MGAT4C: variants seen among roughly 807,000 people sequenced by gnomAD.
MGAT4C encodes MGAT4 family member C.
A neutral mutation model predicts 40.1 loss-of-function variants in MGAT4C; 19 were observed. The observed-to-expected ratio is 0.47, with a 90% CI of 0.33 to 0.70. The LOEUF (loss-of-function observed/expected upper bound fraction) is 0.70, where lower values mean the gene tolerates loss of function less well. MGAT4C is among the 30% of genes least tolerant of loss of function. MGAT4C has a pLI of 0.02. For missense variants in MGAT4C, 491 were observed against 563.2 expected (o/e 0.87, Z 1.30); for synonymous variants, 181 against 187.1 (o/e 0.97, Z 0.27).
At position 85,976,987 on chromosome 12, in the gene MGAT4C, C is replaced by T. The variant is rs118101076; in HGVS notation, c.*2302G>A. 7.3e-5 allele frequency: 11 copies of T among 151,268 alleles called. No homozygotes were observed. Among genetic ancestry groups the T allele is most frequent in the Non-Finnish European group, 1.2e-4 (8 of 67,340 alleles). The allele number at this position is 151,268 out of a possible 1,614,324, so 9.4% of individuals were successfully genotyped here. A position where few individuals can be genotyped will look rare whatever the true frequency, so the allele number is the denominator to read the frequency against. On this transcript the variant is annotated 3_prime_UTR_variant, in exon 5 of 5. Transcript: ENST00000611864. ...GACCCAGTGTCAACTGTAAAGAAAA[C>T]ATAGAGGATCCTTGGATGATTGACC...
intron 4 of MGAT4C, among the ~76,000 whole-genome samples, chr12:86,317,882 CAA>C (rs1954284161): frequency 6.6e-6 from 1 of 150,996 alleles, no homozygotes; most frequent in South Asian, 2.1e-4. Context: ...ATGGCAAACT[CAA>C]GTTATTTTTT....
intron 1 of MGAT4C, among the ~76,000 whole-genome samples, chr12:86,787,369 TA>T (rs979638459): frequency 5.3e-5 from 8 of 152,172 alleles, no homozygotes; most frequent in African/African-American, 1.9e-4. Context: ...TGTGTATGCA[TA>T]AATAGTCTGT....
chr12:86,178,230 C>T (rs925782014), intron 1 of MGAT4C, among the ~76,000 whole-genome samples: 8 of 152,302 alleles, frequency 5.3e-5, no homozygotes, highest in African/African-American at 1.9e-4. Flanking sequence ...GCTACTGCGC[C>T]TGGCTGATTT....
chr12:86,044,049 T>G (rs1892149524), intron 2 of MGAT4C, among the ~76,000 whole-genome samples: 1 of 152,228 alleles, frequency 6.6e-6, no homozygotes, highest in South Asian at 2.1e-4. Context: ...TGGGTTTTGT[T>G]GCTTTTATCT....
intron 3 of MGAT4C, among the ~76,000 whole-genome samples, chr12:86,394,500 TA>T (rs1405652394): frequency 6.2e-5 from 9 of 145,926 alleles, no homozygotes; most frequent in African/African-American, 1.2e-4. Context: ...TTTATATATA[TA>T]TTTTTTAAAT....
At chr12:86,310,514 A>G (rs1426723677) in intron 4 of MGAT4C, among the ~76,000 whole-genome samples, 3 of 152,160 alleles carry the variant, frequency 2.0e-5, no homozygotes, top group Admixed American at 6.5e-5. Flanking sequence ...AAATACTGAC[A>G]ACTCATTAAA....
At chr12:86,140,485 A>T (rs1269438347) in intron 1 of MGAT4C, among the ~76,000 whole-genome samples, 2 of 152,026 alleles carry the variant, frequency 1.3e-5, no homozygotes, top group African/African-American at 4.8e-5. Flanking sequence ...AGGGAGGAGA[A>T]CATCACACAC....
intron 1 of MGAT4C, 49 bp from the exon 2 acceptor site, chr12:86,049,772 G>T (rs1892727092): frequency 1.4e-6 from 1 of 695,502 alleles, no homozygotes; most frequent in Non-Finnish European, 1.8e-6. Flanking sequence ...CTGGTTTCTT[G>T]CTGATAAAAG....
At chr12:86,734,601 C>T (rs1248309075) in intron 1 of MGAT4C, among the ~76,000 whole-genome samples, 1 of 151,882 alleles carries the variant, frequency 6.6e-6, no homozygotes, top group African/African-American at 2.4e-5. Flanking sequence ...AGAAAGAGAC[C>T]CAAGAGAGCT....
At chr12:86,166,409 C>T (rs905021114) in intron 1 of MGAT4C, among the ~76,000 whole-genome samples, 6 of 152,158 alleles carry the variant, frequency 3.9e-5, no homozygotes, top group African/African-American at 1.4e-4. Context: ...CGGTGGCTCA[C>T]GCCTTTAATC....
intron 1 of MGAT4C, among the ~76,000 whole-genome samples, chr12:86,774,542 C>A (rs1951720127): frequency 6.6e-6 from 1 of 151,706 alleles, no homozygotes; most frequent in African/African-American, 2.4e-5. Flanking sequence ...GGCTTGACTG[C>A]ATTCTCAAAT....
intron 1 of MGAT4C, among the ~76,000 whole-genome samples, chr12:86,151,174 T>A (rs1884218473): frequency 1.3e-5 from 2 of 152,180 alleles, no homozygotes; most frequent in African/African-American, 4.8e-5. Flanking sequence ...TTCCTAAGAT[T>A]CAGTCAAAAG....
At chr12:86,611,423 G>T (rs1962264469) in intron 2 of MGAT4C, among the ~76,000 whole-genome samples, 1 of 150,610 alleles carries the variant, frequency 6.6e-6, no homozygotes, top group South Asian at 2.1e-4. Flanking sequence ...TAGGTAGGTA[G>T]ATAGATAGAT....
chr12:86,260,932 C>CT (rs534833553), upstream of MGAT4C, among the ~76,000 whole-genome samples: 736 of 151,334 alleles, frequency 4.9e-3, 3 homozygotes, highest in Non-Finnish European at 8.4e-3. Flanking sequence ...AGCTATATAC[C>CT]TTTTTTTTCC....
At chr12:86,222,677 C>T (rs1950927091) in intron 1 of MGAT4C, among the ~76,000 whole-genome samples, 1 of 152,126 alleles carries the variant, frequency 6.6e-6, no homozygotes, top group African/African-American at 2.4e-5. Context: ...TTTTGAAACT[C>T]TATTATAATA....
chr12:86,119,400 C>A (rs1878978200), intron 1 of MGAT4C, among the ~76,000 whole-genome samples: 1 of 151,852 alleles, frequency 6.6e-6, no homozygotes, highest in Non-Finnish European at 1.5e-5. Context: ...GACAAACTCC[C>A]GTTTTCATTA....
At chr12:86,514,437 G>A (rs1958648564) in intron 2 of MGAT4C, among the ~76,000 whole-genome samples, 1 of 152,078 alleles carries the variant, frequency 6.6e-6, no homozygotes, top group African/African-American at 2.4e-5. Context: ...CTAAAATCAA[G>A]GTGTCAGTAG....
intron 1 of MGAT4C, among the ~76,000 whole-genome samples, chr12:86,118,438 T>A (rs1878797122): frequency 6.6e-6 from 1 of 152,188 alleles, no homozygotes; most frequent in Non-Finnish European, 1.5e-5. Flanking sequence ...AGCTGCTTAG[T>A]AATGATGTGG....
At chr12:86,558,284 T>C (rs1000767694) in intron 2 of MGAT4C, among the ~76,000 whole-genome samples, 1 of 152,112 alleles carries the variant, frequency 6.6e-6, no homozygotes, top group Non-Finnish European at 1.5e-5. Context: ...GGAAAGTTCA[T>C]TTAACAGAAT....
Sources: gnomAD v4.1 joint callset for allele counts (sites outside exome capture counted in the v4.1 genomes callset) on GRCh38, gnomAD v4.1.1 for gene constraint, MANE v1.5 for transcripts, NCBI Gene and HGNC (gene_info 2026-07-23, HGNC 2026-07-21) for gene names.